ABCA7: variants seen among roughly 807,000 people sequenced by gnomAD.
ABCA7 encodes ATP binding cassette subfamily A member 7.
A neutral mutation model predicts 227.6 loss-of-function variants in ABCA7; 261 were observed. That is an observed-to-expected ratio of 1.15 (90% CI 1.04 to 1.27). ABCA7 has a LOEUF of 1.27. ABCA7 is among the 50% of genes most tolerant of loss of function. ABCA7 has a pLI of 0.00. For synonymous variants in ABCA7, 1,488 were observed against 1,279.7 expected, an observed-to-expected ratio of 1.16 and a Z score of -3.47; for missense variants, 3,331 against 2,924.5, an observed-to-expected ratio of 1.14 and a Z score of -3.21.
In ABCA7 at chr19:1,056,090, C is replaced by T. The variant is rs754226446; in HGVS notation, c.4263C>T (p.Gly1421=). The T allele has an allele frequency of 6.3e-7, 1 of 1,599,270 alleles. No homozygotes were observed. Among genetic ancestry groups the T allele is most frequent in the Non-Finnish European group, 8.5e-7 (1 of 1,171,920 alleles). Residue 1421 remains glycine (G), a synonymous_variant, in exon 32 of 47, where the codon GGC becomes GGT. Coordinates refer to ENST00000263094, the MANE Select transcript of ABCA7 (RefSeq NM_019112.4). The surrounding 1 kb of genome is among the most constrained non-coding windows in gnomAD (Gnocchi z 4.3). ...EVRYGGFSLG[G]RDPGLPSGQE... is the part of the protein sequence containing the mutation. ...GATACGGAGGCTTCTCGCTGGGGGG[C>T]CGAGACCCAGGCCTGCCCTCGGGCC...
intron 3 of ABCA7, 58 bp from the exon 4 acceptor site, chr19:1,041,773 G>T: frequency 6.3e-7 from 1 of 1,594,592 alleles, no homozygotes; most frequent in South Asian, 1.1e-5. Flanking sequence ...CGGGCGACCC[G>T]ATGGGGGTGG....
At position 1,057,412 on chromosome 19, in the gene ABCA7, G is replaced by A; in HGVS notation, c.4863G>A (p.Leu1621=). The A allele has an allele frequency of 1.9e-6, 3 of 1,613,908 alleles. No individual in the cohort carries two copies. Among genetic ancestry groups the A allele is most frequent in the Non-Finnish European group, 1.7e-6 (2 of 1,179,998 alleles). The change falls in exon 35 of 47, where the codon CTG becomes CTA. Residue 1621 remains leucine, a synonymous_variant. Transcript: ENST00000263094. ...CTGCCAACCTGCCTGCTCTCCTGCT[G>A]TTGCTACTACTGTATGGGTGAGGCC... ...VAPANLPALL[L]LLLLYGWSIT...
chr19:1,049,974 G>A (rs1487075166), intron 18 of ABCA7, among the ~76,000 whole-genome samples: 1 of 92,598 alleles, frequency 1.1e-5, no homozygotes, highest in Non-Finnish European at 2.1e-5. Flanking sequence ...CCCTCCCTGT[G>A]AGCCGCCCAA....
At chr19:1,061,555 T>C (rs2042656575) in intron 40 of ABCA7, among the ~76,000 whole-genome samples, 1 of 150,454 alleles carries the variant, frequency 6.6e-6, no homozygotes, top group Admixed American at 6.6e-5. Context: ...AAAAATTAGC[T>C]GGGCATGGTG....
At chr19:1,057,792 A>G in intron 35 of ABCA7, 123 bp from the exon 36 acceptor site, 1 of 1,299,306 alleles carries the variant, frequency 7.7e-7, no homozygotes, top group Non-Finnish European at 1.1e-6. Flanking sequence ...AAAAAAAAAC[A>G]GAAATGTGCT....
chr19:1,059,442 T>C (rs1290647851), intron 40 of ABCA7, among the ~76,000 whole-genome samples: 1 of 150,060 alleles, frequency 6.7e-6, no homozygotes, highest in African/African-American at 2.5e-5. Context: ...TTTTTTTGTA[T>C]TTTTAGCAGA....
At chr19:1,063,397 C>T in intron 42 of ABCA7, 147 bp from the exon 43 acceptor site, 2 of 1,186,200 alleles carry the variant, frequency 1.7e-6, no homozygotes, top group East Asian at 2.5e-5. Flanking sequence ...ATGCTGCCCC[C>T]ACCACACTAT....
chr19:1,041,971 C>T lies in ABCA7; in HGVS notation c.301C>T (p.Leu101=). ...GCGCCTGAGCAACTTCAACGACTCC[C>T]TGTGAGCCAGAGGCAGTGGGTGCGG... ...PGRLSNFNDS[L]VSRLLADART... Residue 101 remains leucine, a splice_region_variant and synonymous_variant, in exon 4 of 47, where the codon CTG becomes TTG. Transcript: ENST00000263094. 6.3e-7 allele frequency: 1 copy of T among 1,583,502 alleles called. No homozygotes were observed. The highest frequency in any genetic ancestry group is 8.5e-7 in the Non-Finnish European group (1 of 1,170,654).
intron 42 of ABCA7, among the ~76,000 whole-genome samples, 158 bp from the exon 43 acceptor site, chr19:1,063,386 C>A (rs903714554): frequency 2.0e-5 from 3 of 151,850 alleles, no homozygotes; most frequent in Admixed American, 2.0e-4. Context: ...GCCCCATACT[C>A]ATGCTGCCCC....
rs544191282 is a variant in ABCA7 at position 1,044,651 on chromosome 19, A to G, written c.1122A>G (p.Arg374=). The G allele has an allele frequency of 1.4e-5, 22 of 1,613,194 alleles. No individual in the cohort carries two copies. In the South Asian group the frequency reaches 2.1e-4, roughly 15 times the overall value. Residue 374 remains arginine (R), a synonymous_variant, in exon 11 of 47, where the codon CGA becomes CGG. Transcript: ENST00000263094. ...GCCGGGACCACATGGAGGCCCTGCGATCCTTTCTGGACCCTGGGAGCGGTG... is the reference window on the plus strand; with the variant it reads ...GCCGGGACCACATGGAGGCCCTGCGGTCCTTTCTGGACCCTGGGAGCGGTG... ...PGGRDHMEAL[R]SFLDPGSGGY... is the part of the protein sequence containing the mutation.
At position 1,047,050 on chromosome 19, in the gene ABCA7, T is replaced by G; in HGVS notation, c.1845+26T>G. 1.9e-6 allele frequency: 3 copies of G among 1,552,450 alleles called. No homozygotes were observed. The South Asian group carries it at 3.5e-5, about 18-fold the overall frequency. The stretch of plus-strand genomic sequence containing the variant: ...GTGGGCGCGCCTCGGCCTGCCCGGC[T>G]GCAGAATGGGTGCGCTGGAGGGTGA... On this transcript the variant is annotated intron_variant, in intron 14 of 46. Transcript: ENST00000263094.
chr19:1,042,010 T>A lies in ABCA7; in HGVS notation c.302+38T>A, dbSNP rs200999317. On this transcript the variant is annotated intron_variant, in intron 4 of 46. Coordinates refer to ENST00000263094, the MANE Select transcript of ABCA7 (RefSeq NM_019112.4). ...CAGTGGGTGCGGCCGGCCTGCAAAC[T>A]CGGGGCTGCAGTGCCGGCCGGAACC... 2.5e-6 allele frequency: 4 copies of A among 1,578,074 alleles called. No homozygotes were observed. In the East Asian group the frequency reaches 9.0e-5, roughly 36 times the overall value.
In ABCA7 at chr19:1,056,116, A is replaced by G; in HGVS notation, c.4289A>G (p.Gln1430Arg). The change falls in exon 32 of 47, where the codon CAA becomes CGA. Residue 1430 changes from glutamine to arginine, a missense_variant. By Grantham distance (43) the Gln-to-Arg change is conservative. Transcript: ENST00000263094. The surrounding 1 kb of genome is among the most constrained non-coding windows in gnomAD (Gnocchi z 4.3). The stretch of plus-strand genomic sequence containing the variant: ...CGAGACCCAGGCCTGCCCTCGGGCC[A>G]AGAGTTGGGCCGCTCAGTGGAGGAG... Reference protein sequence around the residue: ...GGRDPGLPSGQELGRSVEELW... With the variant: ...GGRDPGLPSGRELGRSVEELW... The G allele has an allele frequency of 3.7e-6, 6 of 1,608,122 alleles. No homozygotes were observed. The highest frequency in any genetic ancestry group is 5.1e-6 in the Non-Finnish European group (6 of 1,177,756).
In ABCA7 at chr19:1,049,318, C is replaced by T; in HGVS notation, c.2433C>T (p.Ser811=). The change falls in exon 18 of 47, where the codon AGC becomes AGT. Residue 811 remains serine (S), a synonymous_variant. Transcript: ENST00000263094. ...TGAGTCCTGGCGTCTCCGTTCGCAG[C>T]CTGGAGAAGCGCTTTCCTGGAAGCC... is the stretch of plus-strand genomic sequence containing the variant. The part of the protein sequence containing the change: ...PGLSPGVSVR[S]LEKRFPGSPQ... The T allele has an allele frequency of 6.2e-7, 1 of 1,611,572 alleles. No individual in the cohort carries two copies. The highest frequency in any genetic ancestry group is 8.5e-7 in the Non-Finnish European group (1 of 1,179,196).
chr19:1,046,570 G>A (rs1029808406), intron 13 of ABCA7, among the ~76,000 whole-genome samples, 164 bp downstream of exon 13: 3 of 145,632 alleles, frequency 2.1e-5, no homozygotes, highest in African/African-American at 7.6e-5. Flanking sequence ...AGGGGACTCT[G>A]AGGGTCTGGT....
At position 1,044,735 on chromosome 19, in the gene ABCA7, A is replaced by T; in HGVS notation, c.1206A>T (p.Arg402=). The T allele has an allele frequency of 1.2e-6, 2 of 1,607,050 alleles. No individual in the cohort carries two copies. The highest frequency in any genetic ancestry group is 1.7e-6 in the Non-Finnish European group (2 of 1,178,006). Residue 402 remains arginine (R), a synonymous_variant, in exon 11 of 47, where the codon CGA becomes CGT. Coordinates refer to ENST00000263094, the MANE Select transcript of ABCA7 (RefSeq NM_019112.4). ...DVGHLVGTLG[R]VTECLSLDKL... ...GGCACCTGGTGGGCACGCTGGGCCG[A>T]GTGACGGAGGTGAGGGCCTGTCCAC...
chr19:1,054,158 AG>A lies in ABCA7; in HGVS notation c.3578-34del. 2 of 1,612,088 alleles carry A rather than the reference AG, an allele frequency of 1.2e-6. No homozygotes were observed. Among genetic ancestry groups the A allele is most frequent in the South Asian group, 2.2e-5 (2 of 90,978 alleles). On this transcript the variant is annotated intron_variant, in intron 26 of 46. Coordinates refer to ENST00000263094, the MANE Select transcript of ABCA7 (RefSeq NM_019112.4). This position sits in a 1 kb window ranked among gnomAD's most constrained non-coding sequence, Gnocchi z 4.8. ...GGGGTCCTCCCAGCCACCCCCCCAC[AG>A]CAGCGTGAGCACTGACCCTCTCATC...
In ABCA7 at chr19:1,056,794, C is replaced by G. The variant is rs778857804; in HGVS notation, c.4587-113C>G. 2.9e-5 allele frequency: 36 copies of G among 1,238,786 alleles called. No homozygotes were observed. The Middle Eastern group carries it at 5.9e-4, about 20-fold the overall frequency. 76.7% of individuals were successfully genotyped at this position (1,238,786 alleles called of 1,614,324 possible). On this transcript the variant is annotated intron_variant, in intron 33 of 46. Transcript: ENST00000263094. This position sits in a 1 kb window ranked among gnomAD's most constrained non-coding sequence, Gnocchi z 4.3. ...CATCCCTAAATTGCCCCTGCCATCT[C>G]TGCCACTGCTGACTGCCCCATAGAC...
intron 13 of ABCA7, 37 bp from the exon 14 acceptor site, chr19:1,046,765 G>A (rs1440035272): frequency 7.2e-6 from 11 of 1,523,398 alleles, no homozygotes; most frequent in Non-Finnish European, 9.7e-6. Flanking sequence ...GGTCTGCGGA[G>A]GGTCTCCAGC....
Sources: gnomAD v4.1 joint callset for allele counts (sites outside exome capture counted in the v4.1 genomes callset) on GRCh38, gnomAD v4.1.1 for gene constraint, Gnocchi (gnomAD v3.1) non-coding constraint, MANE v1.5 for transcripts, NCBI Gene and HGNC (gene_info 2026-07-23, HGNC 2026-07-21) for gene names.